Variants in SNTG2 observed in about 807,000 individuals in gnomAD.
The protein encoded by SNTG2 is gamma-2-syntrophin.
In SNTG2, 74 loss-of-function variants were observed where a neutral mutation model predicts 70.9. That is an observed-to-expected ratio of 1.04 (90% CI 0.86 to 1.27). The LOEUF is 1.27. Among genes scored for constraint, SNTG2 ranks in the 50% most tolerant of loss-of-function variants. The pLI is 0.00. For synonymous variants in SNTG2, 278 were observed against 273.8 expected (o/e 1.02, Z -0.15); for missense variants, 717 against 690.7 (o/e 1.04, Z -0.43).
At chr2:1,124,260 C>T (rs1032564499) in intron 4 of SNTG2, among the ~76,000 whole-genome samples, 3 of 151,594 alleles carry the variant, frequency 2.0e-5, no homozygotes, top group African/African-American at 7.3e-5. Flanking sequence ...TTGTCAATTA[C>T]AATTTGAAAA....
At chr2:1,206,562 T>C (rs1408404938) in intron 8 of SNTG2, among the ~76,000 whole-genome samples, 1 of 152,130 alleles carries the variant, frequency 6.6e-6, no homozygotes, top group East Asian at 1.9e-4. Flanking sequence ...TGCTAGGTTA[T>C]AGAAAATATT....
chr2:1,221,467 CTCTCTGTCTCTCTCTCT>C (rs1674834088), intron 9 of SNTG2, among the ~76,000 whole-genome samples: 2 of 33,234 alleles, frequency 6.0e-5, no homozygotes, highest in Non-Finnish European at 1.1e-4. Flanking sequence ...CTGTCTCTGT[CTCTCTGTCTCTCTCTCT>C]CTCTGTCTCT....
chr2:1,193,982 T>A lies in SNTG2; in HGVS notation c.592-15121T>A, dbSNP rs180772908. Among the ~76,000 whole-genome samples the A allele has an allele frequency of 6.7e-3, 1,014 of 152,362 alleles. 17 individuals are homozygous for A. The highest frequency in any genetic ancestry group is 0.038 in the Admixed American group (580 of 15,308). On this transcript the variant is annotated intron_variant, in intron 8 of 16. Transcript: ENST00000308624. The stretch of plus-strand genomic sequence containing the variant: ...TAGCTCTGTCGGACCTTCATCTCCC[T>A]CCAGCCAGTCTGTCTCCCATCCCCA...
intron 1 of SNTG2, among the ~76,000 whole-genome samples, chr2:955,680 G>A (rs1558276267): frequency 6.6e-6 from 1 of 152,254 alleles, no homozygotes; most frequent in Non-Finnish European, 1.5e-5. Flanking sequence ...CAGCCATGGG[G>A]ACGCACTCAG....
chr2:1,314,253 C>T (rs1226059786), intron 15 of SNTG2, among the ~76,000 whole-genome samples: 3 of 147,394 alleles, frequency 2.0e-5, no homozygotes, highest in Non-Finnish European at 4.5e-5. Flanking sequence ...TTAGGCAAAA[C>T]CTCAATAGCC....
chr2:1,092,053 G>A (rs1254406904), intron 2 of SNTG2, among the ~76,000 whole-genome samples: 2 of 152,214 alleles, frequency 1.3e-5, no homozygotes, highest in African/African-American at 4.8e-5. Flanking sequence ...CTCTGTGGAA[G>A]AAACAATGCC....
chr2:1,318,520 G>C (rs1454050190), intron 16 of SNTG2, among the ~76,000 whole-genome samples: 1 of 152,348 alleles, frequency 6.6e-6, no homozygotes, highest in East Asian at 1.9e-4. Context: ...TCCTGGGCTG[G>C]GGGAGAGCGA....
intron 9 of SNTG2, among the ~76,000 whole-genome samples, chr2:1,226,556 C>T (rs1675792704): frequency 6.6e-6 from 1 of 152,072 alleles, no homozygotes. Context: ...CAGTGACCTC[C>T]TGGACACGGA....
At position 1,316,506 on chromosome 2, in the gene SNTG2, C is replaced by T. The variant is rs568319181; in HGVS notation, c.1488+131C>T. ...AACCAATAGGTCCTGAAGCACGAGT[C>T]CTTCCTGAAAATTAGGCAATAAATA... On this transcript the variant is annotated intron_variant, in intron 16 of 16. Coordinates refer to ENST00000308624, the MANE Select transcript of SNTG2 (RefSeq NM_018968.4). 15 of 541,696 alleles carry T rather than the reference C, an allele frequency of 2.8e-5. No individual in the cohort carries two copies. In the South Asian group the frequency reaches 4.8e-4, roughly 17 times the overall value. 33.6% of individuals were successfully genotyped at this position (541,696 alleles called of 1,614,324 possible).
intron 2 of SNTG2, among the ~76,000 whole-genome samples, chr2:1,089,384 G>C (rs947863768): frequency 2.0e-5 from 3 of 152,162 alleles, no homozygotes; most frequent in African/African-American, 7.2e-5. Context: ...AAAAATAATA[G>C]TTTACACTTT....
intron 1 of SNTG2, among the ~76,000 whole-genome samples, chr2:1,055,152 C>A (rs1484839686): frequency 6.6e-6 from 1 of 152,236 alleles, no homozygotes; most frequent in Non-Finnish European, 1.5e-5. Context: ...AGACGTGGCC[C>A]TGACTGCAGG....
chr2:1,233,416 G>T (rs1055481054), intron 9 of SNTG2, among the ~76,000 whole-genome samples: 2 of 152,176 alleles, frequency 1.3e-5, no homozygotes, highest in Admixed American at 1.3e-4. Context: ...GATTCCCAGC[G>T]GTGTGGGCGG....
intron 12 of SNTG2, among the ~76,000 whole-genome samples, chr2:1,258,987 C>T (rs1045762892): frequency 6.6e-6 from 1 of 152,178 alleles, no homozygotes; most frequent in Non-Finnish European, 1.5e-5. Context: ...TTCACTTTCA[C>T]ATGCATTAAA....
At chr2:1,224,441 C>T (rs1317328227) in intron 9 of SNTG2, among the ~76,000 whole-genome samples, 1 of 152,190 alleles carries the variant, frequency 6.6e-6, no homozygotes, top group Non-Finnish European at 1.5e-5. Flanking sequence ...GCTTCCCAGC[C>T]TCCTCATCCC....
chr2:1,292,878 T>C (rs1427217936), intron 14 of SNTG2, among the ~76,000 whole-genome samples: 1 of 152,202 alleles, frequency 6.6e-6, no homozygotes, highest in Admixed American at 6.5e-5. Context: ...TGGGAAAGTA[T>C]ATCCTTCTCT....
intron 16 of SNTG2, among the ~76,000 whole-genome samples, chr2:1,348,224 C>G: frequency 6.6e-6 from 1 of 152,060 alleles, no homozygotes; most frequent in Non-Finnish European, 1.5e-5. Flanking sequence ...ATTTGTAAAC[C>G]AAAAATAAAA....
In SNTG2 at chr2:950,881, C is replaced by G. The variant is rs1250679265; in HGVS notation, c.-116C>G. The stretch of plus-strand genomic sequence containing the variant: ...CGCCCCGGTGGAGCCCGAGCCGGAG[C>G]CGGCAGAGGGGCGCGGGCGCGGACG... On this transcript the variant is annotated 5_prime_UTR_variant, in exon 1 of 17. Transcript: ENST00000308624. 8.5e-6 allele frequency: 3 copies of G among 354,960 alleles called. No homozygotes were observed. Among genetic ancestry groups the G allele is most frequent in the African/African-American group, 4.4e-5 (2 of 45,718 alleles). 22.0% of individuals were successfully genotyped at this position (354,960 alleles called of 1,614,324 possible). A position where few individuals can be genotyped will look rare whatever the true frequency, so the allele number is the denominator to read the frequency against.
At chr2:1,220,767 T>C (rs751131728) in intron 9 of SNTG2, among the ~76,000 whole-genome samples, 4 of 152,246 alleles carry the variant, frequency 2.6e-5, no homozygotes, top group Admixed American at 6.5e-5. Context: ...GTTTAAGATC[T>C]GGAGGTCCTT....
chr2:1,305,210 A>G (rs149623023), intron 14 of SNTG2, among the ~76,000 whole-genome samples: 232 of 152,328 alleles, frequency 1.5e-3, no homozygotes, highest in African/African-American at 5.1e-3. Context: ...AGTAGATCAA[A>G]TGTTATTCTA....
Sources: allele counts gnomAD v4.1 joint callset (sites outside exome capture counted in the v4.1 genomes callset), GRCh38; gene constraint gnomAD v4.1.1; transcripts MANE v1.5; gene names NCBI Gene and HGNC (gene_info 2026-07-23, HGNC 2026-07-21).